Variants in DCP2 observed in about 807,000 individuals in gnomAD.
The protein encoded by DCP2 is m7GpppN-mRNA hydrolase.
DCP2 carries 30 observed loss-of-function variants against 56.1 expected under a neutral mutation model. The observed-to-expected ratio is 0.53, with a 90% CI of 0.40 to 0.73. The LOEUF (loss-of-function observed/expected upper bound fraction) is 0.73, where lower values mean the gene tolerates loss of function less well. Ranked by LOEUF, DCP2 falls within the 30% of genes least tolerant of loss-of-function variation. The pLI is 0.00. For synonymous variants in DCP2, 197 were observed against 163.3 expected (o/e 1.21, Z -1.57); for missense variants, 533 against 502.7 (o/e 1.06, Z -0.58).
At chr5:112,991,215 A>G in intron 2 of DCP2, among the ~76,000 whole-genome samples, 1 of 152,252 alleles carries the variant, frequency 6.6e-6, no homozygotes, top group East Asian at 1.9e-4. Flanking sequence ...ATCAAAATGA[A>G]AACACAGTAT....
intron 7 of DCP2, among the ~76,000 whole-genome samples, chr5:113,003,045 T>C (rs899049317): frequency 1.3e-5 from 2 of 152,232 alleles, no homozygotes; most frequent in African/African-American, 4.8e-5. Context: ...ACCACCTCTA[T>C]AGTAAGCATT....
chr5:112,976,883 T>A lies in DCP2; in HGVS notation c.-51T>A. ...CGGAGTCCTAGTGCCGTACCGTCAGTCCCCGGCCGCGCGGAGCCGGGATGC... is the reference window on the plus strand; with the variant it reads ...CGGAGTCCTAGTGCCGTACCGTCAGACCCCGGCCGCGCGGAGCCGGGATGC... On this transcript the variant is annotated 5_prime_UTR_variant, in exon 1 of 11. Transcript: ENST00000389063. 1 of 1,592,102 alleles carries A rather than the reference T, an allele frequency of 6.3e-7. No homozygotes were observed. Among genetic ancestry groups the A allele is most frequent in the Non-Finnish European group, 8.6e-7 (1 of 1,159,912 alleles).
chr5:113,009,067 G>A (rs1019922141), intron 9 of DCP2, among the ~76,000 whole-genome samples: 5 of 152,048 alleles, frequency 3.3e-5, no homozygotes, highest in African/African-American at 1.2e-4. Context: ...GGATGGTCTC[G>A]ATCTCCAGAC....
chr5:113,018,163 T>C lies in DCP2; in HGVS notation c.*4679T>C, dbSNP rs1300696119. 1 of 152,244 alleles carries C rather than the reference T, an allele frequency of 6.6e-6. No homozygotes were observed. Among genetic ancestry groups the C allele is most frequent in the African/African-American group, 2.4e-5 (1 of 41,456 alleles). The allele number at this position is 152,244 out of a possible 1,614,324, so 9.4% of individuals were successfully genotyped here. A position where few individuals can be genotyped will look rare whatever the true frequency, so the allele number is the denominator to read the frequency against. ...TAACTTCCTTGTGACAAATAGCATT[T>C]ACTATTGAAATAGTCTTAAAATAGG... On this transcript the variant is annotated 3_prime_UTR_variant, in exon 11 of 11. Coordinates refer to ENST00000389063, the MANE Select transcript of DCP2 (RefSeq NM_152624.6).
rs562254738 is a variant in DCP2, at chr5:112,987,620, C to CTTTTTTTTTTTTTTTTT, written c.205+1643_205+1659dup. 2.5e-3 allele frequency among the ~76,000 whole-genome samples: 171 copies of CTTTTTTTTTTTTTTTTT among 69,734 alleles called. 2 individuals are homozygous for CTTTTTTTTTTTTTTTTT. The highest frequency in any genetic ancestry group is 2.6e-3 in the Non-Finnish European group (103 of 39,538). 45.7% of individuals were successfully genotyped at this position (69,734 alleles called of 152,430 possible). On this transcript the variant is annotated intron_variant, in intron 2 of 10. Transcript: ENST00000389063. ...GGTGCAAGCCACCACACCTAGGTGC[C>CTTTTTTTTTTTTTTTTT]TTTTTTTTTTTTTTTTTTTTTTTTT...
chr5:112,985,199 A>G (rs1196503515), intron 1 of DCP2, among the ~76,000 whole-genome samples: 1 of 152,194 alleles, frequency 6.6e-6, no homozygotes, highest in Admixed American at 6.5e-5. Context: ...AAAGGGGTTC[A>G]TTATCCTAAT....
chr5:113,003,833 A>T, intron 7 of DCP2, 109 bp from the exon 8 acceptor site: 1 of 1,256,600 alleles, frequency 8.0e-7, no homozygotes, highest in Non-Finnish European at 1.1e-6. Context: ...AGTGGGGAAG[A>T]TAGACAGTAA....
At chr5:112,988,424 A>G (rs994372535) in intron 2 of DCP2, among the ~76,000 whole-genome samples, 3 of 148,582 alleles carry the variant, frequency 2.0e-5, no homozygotes, top group South Asian at 2.2e-4. Context: ...CCCGGGAGGC[A>G]GAGCTTGCAG....
intron 7 of DCP2, among the ~76,000 whole-genome samples, chr5:113,001,920 T>C (rs1023273878): frequency 1.3e-5 from 2 of 152,212 alleles, no homozygotes; most frequent in African/African-American, 4.8e-5. Context: ...ACCAACTTTT[T>C]AGATAGAACA....
At chr5:112,994,078 C>A (rs555299989) in intron 4 of DCP2, among the ~76,000 whole-genome samples, 1 of 150,256 alleles carries the variant, frequency 6.7e-6, no homozygotes, top group Non-Finnish European at 1.5e-5. Flanking sequence ...ATTAGAGACA[C>A]GAGCCACCGT....
chr5:112,977,004 C>T lies in DCP2; in HGVS notation c.53+18C>T. The T allele has an allele frequency of 1.3e-6, 2 of 1,496,840 alleles. No homozygotes were observed. The highest frequency in any genetic ancestry group is 1.8e-6 in the Non-Finnish European group (2 of 1,112,314). The allele number at this position is 1,496,840 out of a possible 1,614,324, so 92.7% of individuals were successfully genotyped here. On this transcript the variant is annotated intron_variant, in intron 1 of 10. Coordinates refer to ENST00000389063, the MANE Select transcript of DCP2 (RefSeq NM_152624.6). Reference sequence around the variant, plus strand: ...CTCTGCAGGTACCGCGCTACCCGACCCCCTTTCGCCCCCGTCGGGTTTTCT... The same window carrying T: ...CTCTGCAGGTACCGCGCTACCCGACTCCCTTTCGCCCCCGTCGGGTTTTCT...
At chr5:113,008,612 T>C (rs1749546517) in intron 9 of DCP2, among the ~76,000 whole-genome samples, 1 of 152,206 alleles carries the variant, frequency 6.6e-6, no homozygotes, top group Non-Finnish European at 1.5e-5. Context: ...TCACCTGTTT[T>C]TCATTTATTG....
In DCP2 at chr5:112,992,715, T is replaced by C; in HGVS notation, c.377T>C (p.Phe126Ser). The C allele has an allele frequency of 6.3e-7, 1 of 1,586,474 alleles. No homozygotes were observed. Among genetic ancestry groups the C allele is most frequent in the South Asian group, 1.2e-5 (1 of 85,666 alleles). The part of the protein sequence containing the change: ...QGYLAKSGWG[F>S]PKGKVNKEEA... ...TACCTAGCAAAATCAGGCTGGGGAT[T>C]TCCAAAAGGAAAAGTAAATAAAGAA... is the stretch of plus-strand genomic sequence containing the variant. Residue 126 changes from phenylalanine to serine, a missense_variant, in exon 4 of 11, where the codon TTT becomes TCT. Phe to Ser is a radical substitution (Grantham distance 155). This residue lies in a region of DCP2 where 4 missense variants were observed against 17.9 expected (regional missense o/e 0.22). Transcript: ENST00000389063.
chr5:113,007,862 C>A, intron 8 of DCP2, 76 bp from the exon 9 acceptor site: 1 of 1,299,438 alleles, frequency 7.7e-7, no homozygotes, highest in Non-Finnish European at 1.1e-6. Context: ...ACCAGCTAAA[C>A]ATATTCATGG....
intron 4 of DCP2, 78 bp downstream of exon 4, chr5:112,992,848 C>A: frequency 9.5e-7 from 1 of 1,056,918 alleles, no homozygotes; most frequent in Non-Finnish European, 1.3e-6. Flanking sequence ...TATAGACTTA[C>A]TTCTTTGGAC....
Position 113,001,597 on chromosome 5 carries a change from T to G in DCP2, c.729T>G (p.Phe243Leu), listed in dbSNP as rs1749181690. Residue 243 changes from phenylalanine (F) to leucine (L), a missense_variant, in exon 7 of 11, where the codon TTT becomes TTG. Phe to Leu is a conservative substitution (Grantham distance 22). This residue lies in a region of DCP2 where 392 missense variants were observed against 346.6 expected (regional missense o/e 1.13). Coordinates refer to ENST00000389063, the MANE Select transcript of DCP2 (RefSeq NM_152624.6). The part of the protein sequence containing the change: ...RPLRDWLSRR[F>L]GDSSDSDNGF... ...TAAGGGACTGGCTTTCTCGAAGATTTGGCGATTCCTCAGACAGTGACAATG... is the reference window on the plus strand; with the variant it reads ...TAAGGGACTGGCTTTCTCGAAGATTGGGCGATTCCTCAGACAGTGACAATG... 1.2e-6 allele frequency: 2 copies of G among 1,614,098 alleles called. No homozygotes were observed. The highest frequency in any genetic ancestry group is 2.2e-5 in the East Asian group (1 of 44,890).
At chr5:113,004,599 T>C (rs1328742030) in intron 8 of DCP2, among the ~76,000 whole-genome samples, 2 of 152,208 alleles carry the variant, frequency 1.3e-5, no homozygotes, top group East Asian at 3.8e-4. Flanking sequence ...TTCCTATACC[T>C]GTCTTTTGAT....
chr5:113,006,102 G>A (rs1164364302), intron 8 of DCP2, among the ~76,000 whole-genome samples: 5 of 144,866 alleles, frequency 3.5e-5, no homozygotes, highest in Non-Finnish European at 7.5e-5. Flanking sequence ...GGCAACAGGA[G>A]TGGGACCCTA....
chr5:113,008,877 C>G (rs1749558062), intron 9 of DCP2, among the ~76,000 whole-genome samples: 1 of 150,716 alleles, frequency 6.6e-6, no homozygotes, highest in African/African-American at 2.4e-5. Context: ...TTGAGTCTCT[C>G]TCTGTCACCA....
Sources: gnomAD v4.1 joint callset for allele counts (sites outside exome capture counted in the v4.1 genomes callset) on GRCh38, gnomAD v4.1.1 for gene constraint, gnomAD v4.1.1 regional missense constraint, MANE v1.5 for transcripts, NCBI Gene and HGNC (gene_info 2026-07-23, HGNC 2026-07-21) for gene names.